The following EFCAB5 variants were observed in gnomAD, a reference collection of about 807,000 sequenced individuals.
The protein encoded by EFCAB5 is EF-hand calcium binding domain 5.
Under a neutral mutation model 167.9 loss-of-function variants are expected in EFCAB5, and 131 were observed. The ratio of observed to expected loss-of-function variants is 0.78; its 90% CI spans 0.68 to 0.90. The LOEUF is 0.90. Ranked by LOEUF, EFCAB5 falls within the 40% of genes least tolerant of loss-of-function variation. The pLI, the probability that EFCAB5 is intolerant of heterozygous loss-of-function variation, is 0.00. For synonymous variants in EFCAB5, 574 were observed against 602.8 expected (o/e 0.95, Z 0.70); for missense variants, 1,663 against 1,745.2 (o/e 0.95, Z 0.84).
Position 30,107,831 on chromosome 17 carries a change from C to A in EFCAB5, c.4322-3C>A, listed in dbSNP as rs1158647308. Reference sequence around the variant, plus strand: ...TTACTTTTCTTTTTTTTTCCTGATGCAGATCATTCCCGAACTGAAGTATGG... The same window carrying A: ...TTACTTTTCTTTTTTTTTCCTGATGAAGATCATTCCCGAACTGAAGTATGG... On this transcript the variant is annotated splice_region_variant and splice_polypyrimidine_tract_variant and intron_variant, in intron 22 of 22. Transcript: ENST00000394835. 1.3e-6 allele frequency: 2 copies of A among 1,534,688 alleles called. No homozygotes were observed. The highest frequency in any genetic ancestry group is 1.7e-6 in the Non-Finnish European group (2 of 1,147,338).
At position 29,993,179 on chromosome 17, in the gene EFCAB5, A is replaced by G; in HGVS notation, c.782A>G (p.Lys261Arg). Residue 261 changes from lysine (K) to arginine (R), a missense_variant, in exon 5 of 23, where the codon AAG (lysine) becomes AGG (arginine). Transcript: ENST00000394835. ...ACATCCTGCAGAGTATCCAAGATGA[A>G]GGAGAATGTTAAACAGAATAGAAAA... Reference protein sequence around the residue: ...DTICNRVSKMKENVKQNRKQR... With the variant: ...DTICNRVSKMRENVKQNRKQR... The G allele has an allele frequency of 6.2e-7, 1 of 1,610,918 alleles. No homozygotes were observed. Among genetic ancestry groups the G allele is most frequent in the Non-Finnish European group, 8.5e-7 (1 of 1,178,434 alleles).
chr17:30,098,548 A>C (rs1448389709), intron 22 of EFCAB5, among the ~76,000 whole-genome samples: 1 of 151,304 alleles, frequency 6.6e-6, no homozygotes, highest in South Asian at 2.1e-4. Context: ...AAAAAAAAAA[A>C]AAACTCCTGG....
At chr17:30,090,719 T>C (rs2071179616) in intron 20 of EFCAB5, 45 bp downstream of exon 20, 1 of 1,562,946 alleles carries the variant, frequency 6.4e-7, no homozygotes. Flanking sequence ...GTTTAATAGG[T>C]TTTGGGGAAA....
chr17:30,026,009 G>C (rs1386442144), intron 7 of EFCAB5, among the ~76,000 whole-genome samples: 1 of 151,812 alleles, frequency 6.6e-6, no homozygotes, highest in Non-Finnish European at 1.5e-5. Context: ...TCACACTCTG[G>C]GGATTGTTGT....
intron 4 of EFCAB5, among the ~76,000 whole-genome samples, chr17:29,988,860 A>G (rs552647983): frequency 1.6e-4 from 25 of 152,300 alleles, no homozygotes; most frequent in African/African-American, 4.3e-4. Context: ...CTCTTGAACA[A>G]TAACACCAGT....
chr17:29,939,499 C>T (rs893693650), upstream of EFCAB5, among the ~76,000 whole-genome samples: 6 of 152,220 alleles, frequency 3.9e-5, no homozygotes, highest in Non-Finnish European at 8.8e-5. Flanking sequence ...TCCTAGATAG[C>T]ATCTTCTTCC....
intron 8 of EFCAB5, among the ~76,000 whole-genome samples, chr17:30,043,680 T>A (rs1027130049): frequency 1.3e-5 from 2 of 152,182 alleles, no homozygotes; most frequent in South Asian, 4.1e-4. Flanking sequence ...TTTGCAAATA[T>A]CTACAGGCTG....
chr17:30,045,263 T>C (rs1597719433), intron 8 of EFCAB5, among the ~76,000 whole-genome samples: 1 of 151,816 alleles, frequency 6.6e-6, no homozygotes, highest in Admixed American at 6.6e-5. Flanking sequence ...TCAAGACCAG[T>C]CTGGGCAACA....
At position 30,030,622 on chromosome 17, in the gene EFCAB5, G is replaced by A. The variant is rs145053533; in HGVS notation, c.1045-3608G>A. Among the ~76,000 whole-genome samples the A allele has an allele frequency of 1.1e-3, 166 of 151,996 alleles. 3 individuals carry two copies. The East Asian group carries it at 0.027, about 25-fold the overall frequency. ...CCTCCCAAGTGCTGGGATTACAGGC[G>A]TAAGCCACTGCGCCCAGCCCAGAGA... On this transcript the variant is annotated intron_variant, in intron 7 of 22. Transcript: ENST00000394835.
intron 14 of EFCAB5, among the ~76,000 whole-genome samples, chr17:30,067,659 A>G (rs1227734504): frequency 2.3e-4 from 35 of 152,168 alleles, no homozygotes; most frequent in Non-Finnish European, 7.4e-5. Context: ...AAAACTCTCA[A>G]CAAGTTAGGT....
intron 19 of EFCAB5, 152 bp from the exon 20 acceptor site, chr17:30,090,269 A>T: frequency 1.0e-6 from 1 of 984,246 alleles, no homozygotes; most frequent in Non-Finnish European, 1.4e-6. Flanking sequence ...TGTGAAATCA[A>T]GGGCTAGAAT....
chr17:29,938,216 A>T (rs548457998), upstream of EFCAB5, among the ~76,000 whole-genome samples: 4 of 152,252 alleles, frequency 2.6e-5, no homozygotes, highest in Non-Finnish European at 5.9e-5. Context: ...TTCCCAATGC[A>T]TATATAAAAG....
At chr17:30,104,347 A>G (rs1434611915) in intron 22 of EFCAB5, among the ~76,000 whole-genome samples, 1 of 152,184 alleles carries the variant, frequency 6.6e-6, no homozygotes, top group Non-Finnish European at 1.5e-5. Context: ...CCATAAATGG[A>G]GTTTTAATTC....
At chr17:29,976,080 T>C (rs2068058216) in intron 4 of EFCAB5, among the ~76,000 whole-genome samples, 1 of 152,222 alleles carries the variant, frequency 6.6e-6, no homozygotes, top group East Asian at 1.9e-4. Context: ...TTTAGATCTA[T>C]TTCCACTAAA....
At chr17:30,069,161 G>GA in intron 14 of EFCAB5, 1 of 1,544,338 alleles carries the variant, frequency 6.5e-7, no homozygotes, top group East Asian at 2.3e-5. Context: ...GCAAAGACAA[G>GA]AGAATCCACA....
At chr17:30,068,633 C>T (rs2070644184) in intron 14 of EFCAB5, 2 of 1,510,276 alleles carry the variant, frequency 1.3e-6, no homozygotes, top group East Asian at 2.4e-5. Context: ...GTCGCTAGGG[C>T]GGTGGACATC....
chr17:29,941,522 G>C (rs762486254), upstream of EFCAB5: 1 of 257,674 alleles, frequency 3.9e-6, no homozygotes, highest in Non-Finnish European at 7.3e-6. Flanking sequence ...AATGATAGTA[G>C]TAATGATTAC....
intron 7 of EFCAB5, among the ~76,000 whole-genome samples, chr17:30,003,577 G>GAAA (rs80181636): frequency 1.0e-5 from 1 of 95,852 alleles, no homozygotes. Flanking sequence ...GGGAGAAAAA[G>GAAA]AAAAAAAAAA....
intron 4 of EFCAB5, among the ~76,000 whole-genome samples, chr17:29,977,959 A>G (rs2068093830): frequency 6.6e-6 from 1 of 152,192 alleles, no homozygotes; most frequent in Admixed American, 6.5e-5. Flanking sequence ...AATCTGCTTC[A>G]AAGTACTTTT....
Sources: gnomAD v4.1 joint callset for allele counts (sites outside exome capture counted in the v4.1 genomes callset) on GRCh38, gnomAD v4.1.1 for gene constraint, MANE v1.5 for transcripts, NCBI Gene and HGNC (gene_info 2026-07-23, HGNC 2026-07-21) for gene names.